Variants in OXR1 observed in about 807,000 individuals in gnomAD.
OXR1 encodes oxidation resistance 1, also known as oxidation resistance protein 1.
In OXR1, 41 loss-of-function variants were observed where a neutral mutation model predicts 104.6. The observed-to-expected ratio is 0.39, with a 90% CI of 0.31 to 0.51. The LOEUF (loss-of-function observed/expected upper bound fraction) is 0.51. Among genes scored for constraint, OXR1 ranks in the 20% least tolerant of loss-of-function variants. The pLI, the probability that OXR1 is intolerant of heterozygous loss-of-function variation, is 0.77. For missense variants in OXR1, 955 were observed against 1,031.9 expected (o/e 0.93, Z 1.02); for synonymous variants, 348 against 348.4 (o/e 1.00, Z 0.01).
chr8:106,383,408 A>G (rs1253417758), intron 2 of OXR1, among the ~76,000 whole-genome samples: 1 of 152,198 alleles, frequency 6.6e-6, no homozygotes, highest in African/African-American at 2.4e-5. Flanking sequence ...TCCTCTTGGC[A>G]GCTACAGCAT....
At chr8:106,600,994 T>TA (rs771410160) in intron 3 of OXR1, among the ~76,000 whole-genome samples, 5 of 152,056 alleles carry the variant, frequency 3.3e-5, no homozygotes, top group East Asian at 3.9e-4. Flanking sequence ...CTGAAGGAAA[T>TA]AGAGGCTGGA....
chr8:106,707,361 C>A, intron 9 of OXR1: 1 of 642,010 alleles, frequency 1.6e-6, no homozygotes, highest in Non-Finnish European at 2.7e-6. Context: ...AGCATCATTG[C>A]TACCCACCAT....
At chr8:106,697,202 G>GT (rs1480913037) in intron 7 of OXR1, among the ~76,000 whole-genome samples, 1 of 152,204 alleles carries the variant, frequency 6.6e-6, no homozygotes, top group East Asian at 1.9e-4. Flanking sequence ...GAAGAGGCCA[G>GT]TTGGTCCAGT....
intron 3 of OXR1, among the ~76,000 whole-genome samples, chr8:106,608,700 G>A (rs2130789284): frequency 6.6e-6 from 1 of 152,278 alleles, no homozygotes; most frequent in South Asian, 2.1e-4. Flanking sequence ...AGTACCCAGT[G>A]ACAGGCCCAA....
At chr8:106,495,546 A>G (rs906550311) in intron 2 of OXR1, among the ~76,000 whole-genome samples, 3 of 152,210 alleles carry the variant, frequency 2.0e-5, no homozygotes, top group African/African-American at 7.2e-5. Context: ...AGAAGTTACT[A>G]GAAGTTTGTT....
At chr8:106,602,364 T>C (rs185081195) in intron 3 of OXR1, among the ~76,000 whole-genome samples, 305 of 152,324 alleles carry the variant, frequency 2.0e-3, no homozygotes, top group African/African-American at 6.9e-3. Flanking sequence ...AGGCAAAAGA[T>C]AAGCATGGCC....
chr8:106,713,834 T>G lies in OXR1; in HGVS notation c.1805T>G (p.Leu602Trp). 6.4e-7 allele frequency: 1 copy of G among 1,565,272 alleles called. No individual in the cohort carries two copies. The highest frequency in any genetic ancestry group is 8.6e-7 in the Non-Finnish European group (1 of 1,164,596). Residue 602 changes from leucine to tryptophan, a missense_variant, in exon 11 of 17, where the codon TTG becomes TGG. Around this residue, in one of 2 missense-constraint regions of OXR1, gnomAD observed 849 missense variants for 852.9 expected, o/e 1.00. Transcript: ENST00000517566. ...FAVPQERTDH[L>W]YAFFIQWSPE... Reference sequence around the variant, plus strand: ...ACTTCTCCTAACAGGACAGATCACTTGTATGCCTTCTTCATTCAGTGGAGT... The same window carrying G: ...ACTTCTCCTAACAGGACAGATCACTGGTATGCCTTCTTCATTCAGTGGAGT...
chr8:106,535,003 C>T (rs1173204755), intron 3 of OXR1, among the ~76,000 whole-genome samples: 2 of 152,108 alleles, frequency 1.3e-5, no homozygotes, highest in Non-Finnish European at 2.9e-5. Flanking sequence ...CGCTCTGTCG[C>T]CCAGGCTGGA....
intron 1 of OXR1, among the ~76,000 whole-genome samples, chr8:106,306,495 A>G (rs1266115314): frequency 6.6e-6 from 1 of 151,264 alleles, no homozygotes; most frequent in African/African-American, 2.4e-5. Context: ...TGTTCACAGC[A>G]GTTTTAATTG....
intron 3 of OXR1, among the ~76,000 whole-genome samples, chr8:106,567,673 A>G (rs551162026): frequency 6.6e-6 from 1 of 152,204 alleles, no homozygotes; most frequent in African/African-American, 2.4e-5. Flanking sequence ...TGTATCTTTT[A>G]TGCATCCTTT....
chr8:106,441,318 T>G (rs1348627862), intron 2 of OXR1, among the ~76,000 whole-genome samples: 1 of 152,210 alleles, frequency 6.6e-6, no homozygotes, highest in African/African-American at 2.4e-5. Context: ...TTGGTTACTG[T>G]AGCCTTGTAG....
intron 3 of OXR1, chr8:106,581,079 A>G: frequency 8.3e-7 from 1 of 1,202,890 alleles, no homozygotes; most frequent in African/African-American, 1.6e-5. Context: ...AGTCTGCTAA[A>G]GATGGAGGAA....
intron 1 of OXR1, among the ~76,000 whole-genome samples, chr8:106,319,734 G>A (rs546469919): frequency 1.3e-5 from 2 of 152,310 alleles, no homozygotes; most frequent in East Asian, 3.9e-4. Flanking sequence ...AGATAAATGG[G>A]TTCCTCAGTA....
intron 2 of OXR1, among the ~76,000 whole-genome samples, chr8:106,439,110 C>T (rs1281743691): frequency 1.3e-5 from 2 of 151,962 alleles, no homozygotes; most frequent in Non-Finnish European, 2.9e-5. Flanking sequence ...TGCTATGGAC[C>T]GAATTTCTGC....
intron 1 of OXR1, among the ~76,000 whole-genome samples, chr8:106,299,904 C>T (rs1220301076): frequency 6.6e-6 from 1 of 152,058 alleles, no homozygotes; most frequent in African/African-American, 2.4e-5. Flanking sequence ...GAGACGGACA[C>T]GTTGTAGAAA....
At chr8:106,425,613 A>T (rs1439407713) in intron 2 of OXR1, among the ~76,000 whole-genome samples, 4 of 152,150 alleles carry the variant, frequency 2.6e-5, no homozygotes, top group Non-Finnish European at 4.4e-5. Flanking sequence ...TACCATGGTT[A>T]TGTGGACCAT....
chr8:106,532,154 C>T (rs1010164327), intron 3 of OXR1, among the ~76,000 whole-genome samples: 21 of 152,130 alleles, frequency 1.4e-4, no homozygotes, highest in African/African-American at 4.6e-4. Context: ...TTACTCTTGG[C>T]GTCTTAGGAA....
At chr8:106,545,769 G>T (rs1815306722) in intron 3 of OXR1, among the ~76,000 whole-genome samples, 1 of 152,150 alleles carries the variant, frequency 6.6e-6, no homozygotes, top group African/African-American at 2.4e-5. Flanking sequence ...AGACTGAGGT[G>T]AGTGGATCAC....
At chr8:106,582,040 A>AC (rs1307275251) in intron 3 of OXR1, among the ~76,000 whole-genome samples, 1 of 149,020 alleles carries the variant, frequency 6.7e-6, no homozygotes. Flanking sequence ...AAAAAAAAAA[A>AC]AAAACCTAAA....
Sources: allele counts gnomAD v4.1 joint callset (sites outside exome capture counted in the v4.1 genomes callset), GRCh38; gene constraint gnomAD v4.1.1; regional missense constraint gnomAD v4.1.1; transcripts MANE v1.5; gene names NCBI Gene and HGNC (gene_info 2026-07-23, HGNC 2026-07-21).